STAB1: variants seen among roughly 807,000 people sequenced by gnomAD.
The protein encoded by STAB1 is stabilin-1.
A neutral mutation model predicts 332.4 loss-of-function variants in STAB1; 250 were observed. That is an observed-to-expected ratio of 0.75 (90% CI 0.68 to 0.84). The LOEUF is 0.84. STAB1 is among the 40% of genes least tolerant of loss of function. The probability of loss-of-function intolerance (pLI) is 0.00; values close to 1 mark genes in which losing one functional copy is unlikely to be tolerated. For synonymous variants in STAB1, 1,475 were observed against 1,390.4 expected (o/e 1.06, Z -1.35); for missense variants, 3,249 against 3,489.7 (o/e 0.93, Z 1.74).
intron 21 of STAB1, 142 bp downstream of exon 21, chr3:52,508,501 C>G (rs1225930088): frequency 2.6e-6 from 2 of 763,732 alleles, no homozygotes; most frequent in Admixed American, 4.0e-5. Flanking sequence ...AAAGTTGGAT[C>G]AAATTATTTC....
Position 52,521,885 on chromosome 3 carries a change from G to A in STAB1, c.6205G>A (p.Val2069Met). ...VCTPPCAPEA[V>M]CRAGNSCECS... ...TACCCCACCCTGTGCACCCGAGGCT[G>A]TGTGCCGTGCAGGCAACAGCTGTGA... The change falls in exon 58 of 69, where the codon GTG becomes ATG. Residue 2069 changes from valine (V) to methionine (M), a missense_variant. Val to Met is a conservative substitution (Grantham distance 21). Coordinates refer to ENST00000321725, the MANE Select transcript of STAB1 (RefSeq NM_015136.3). The A allele has an allele frequency of 6.2e-7, 1 of 1,607,370 alleles. No individual in the cohort carries two copies. The highest frequency in any genetic ancestry group is 8.5e-7 in the Non-Finnish European group (1 of 1,175,994).
intron 37 of STAB1, 31 bp from the exon 38 acceptor site, chr3:52,516,012 C>G (rs1166631236): frequency 1.3e-6 from 2 of 1,566,476 alleles, no homozygotes; most frequent in Non-Finnish European, 8.6e-7. Context: ...CTGGGCCTCT[C>G]TCGCCCTCTC....
chr3:52,507,237 A>G (rs11130306), intron 18 of STAB1, among the ~76,000 whole-genome samples: 87,903 of 152,002 alleles, frequency 0.58, 27,337 homozygotes, highest in African/African-American at 0.81. Flanking sequence ...TAGAGATGGG[A>G]TTTCACCATG....
intron 18 of STAB1, among the ~76,000 whole-genome samples, chr3:52,507,297 G>A (rs536625361): frequency 2.8e-4 from 42 of 152,262 alleles, no homozygotes; most frequent in South Asian, 1.2e-3. Flanking sequence ...CGCCCACCTC[G>A]GCCTCCCAAA....
At position 52,512,809 on chromosome 3, in the gene STAB1, G is replaced by A; in HGVS notation, c.3028-19G>A. The A allele has an allele frequency of 6.2e-7, 1 of 1,607,106 alleles. No homozygotes were observed. Among genetic ancestry groups the A allele is most frequent in the South Asian group, 1.1e-5 (1 of 90,972 alleles). On this transcript the variant is annotated intron_variant, in intron 28 of 68. Transcript: ENST00000321725. ...TGCCTTCCTCGCTCCTCCCGCCCCT[G>A]CTCCCTGTGTGCGTGCAGAGTGCCG... is the stretch of plus-strand genomic sequence containing the variant.
At chr3:52,503,253 C>T in intron 7 of STAB1, 91 bp from the exon 8 acceptor site, 1 of 1,517,854 alleles carries the variant, frequency 6.6e-7, no homozygotes, top group Middle Eastern at 1.9e-4. Flanking sequence ...CCTAGGTCAA[C>T]CTGCTGGCCC....
chr3:52,506,251 G>A lies in STAB1; in HGVS notation c.1830+1G>A, dbSNP rs1708853957. 1.2e-6 allele frequency: 2 copies of A among 1,610,794 alleles called. No individual in the cohort carries two copies. The highest frequency in any genetic ancestry group is 1.7e-5 in the Admixed American group (1 of 59,688). ...CCTGGCTGTGAACATTTCTGAGGAG[G>A]TGAGGTGCACGGACACCTGGGCGGA... On this transcript the variant is annotated splice_donor_variant, in intron 17 of 68. Transcript: ENST00000321725. LOFTEE classifies it high-confidence loss of function.
At chr3:52,505,990 C>A in intron 16 of STAB1, 54 bp downstream of exon 16, 1 of 1,606,044 alleles carries the variant, frequency 6.2e-7, no homozygotes, top group South Asian at 1.1e-5. Flanking sequence ...GGCCTGCCTG[C>A]AGGTTCTGGA....
At chr3:52,516,799 C>G in intron 41 of STAB1, 31 bp downstream of exon 41, 2 of 1,598,720 alleles carry the variant, frequency 1.3e-6, no homozygotes, top group Non-Finnish European at 1.7e-6. Flanking sequence ...AGGGCCCTCC[C>G]TGAAATTTTG....
rs1709004475 is a variant in STAB1, at chr3:52,508,006, T to C, written c.2128T>C (p.Tyr710His). Residue 710 changes from tyrosine (Y) to histidine (H), a missense_variant, in exon 20 of 69, where the codon TAC (tyrosine) becomes CAC (histidine). Tyr to His is a moderately conservative substitution (Grantham distance 83). Transcript: ENST00000321725. ...TGTGCTAAAGAAGGGCTGTGCCAGC[T>C]ACTGCAACCAAACCATCATGGTAAG... ...LNVLKKGCAS[Y>H]CNQTIMEQGC... is the part of the protein sequence containing the mutation. 6.2e-7 allele frequency: 1 copy of C among 1,613,516 alleles called. No homozygotes were observed. The highest frequency in any genetic ancestry group is 1.3e-5 in the African/African-American group (1 of 74,954).
chr3:52,518,889 T>TGCCCCGCTCCATCCCGCCCCGCCCC lies in STAB1; in HGVS notation c.5034+26_5034+50dup. ...AGGGAGGTGAGCCCTGGCCCTGGCCTGCCCCGCTCCATCCCGCCCCGCCCC... is the reference window on the plus strand; with the variant it reads ...AGGGAGGTGAGCCCTGGCCCTGGCCTGCCCCGCTCCATCCCGCCCCGCCCCGCCCCGCTCCATCCCGCCCCGCCCC... On this transcript the variant is annotated intron_variant, in intron 48 of 68. Transcript: ENST00000321725. 1 of 1,215,330 alleles carries TGCCCCGCTCCATCCCGCCCCGCCCC rather than the reference T, an allele frequency of 8.2e-7. No individual in the cohort carries two copies. The highest frequency in any genetic ancestry group is 1.1e-6 in the Non-Finnish European group (1 of 876,230). The allele number at this position is 1,215,330 out of a possible 1,614,324, so 75.3% of individuals were successfully genotyped here.
intron 50 of STAB1, 31 bp from the exon 51 acceptor site, chr3:52,519,913 C>A: frequency 3.9e-6 from 6 of 1,541,286 alleles, no homozygotes; most frequent in Non-Finnish European, 5.2e-6. Context: ...GACTGGGCAG[C>A]GACTGCCACA....
chr3:52,520,156 G>A (rs771495755), intron 51 of STAB1, 36 bp downstream of exon 51: 11 of 1,612,882 alleles, frequency 6.8e-6, no homozygotes, highest in Non-Finnish European at 9.3e-6. Context: ...TTCACTGCCT[G>A]CAGCTCAGCC....
chr3:52,522,261 G>C (rs371687832), intron 59 of STAB1, 31 bp downstream of exon 59: 11 of 1,611,436 alleles, frequency 6.8e-6, no homozygotes, highest in Non-Finnish European at 9.3e-6. Flanking sequence ...AGTAGCCAGG[G>C]TGGGGAGGCC....
In STAB1 at chr3:52,519,542, A is replaced by G. The variant is rs201647537; in HGVS notation, c.5213A>G (p.Lys1738Arg). The change falls in exon 50 of 69, where the codon AAG becomes AGG. Residue 1738 changes from lysine to arginine, a missense_variant. Physicochemically the swap from Lys to Arg is conservative, Grantham distance 26. Transcript: ENST00000321725. ...VTAAAQGFGY[K>R]IFSGLLKVAG... Reference sequence around the variant, plus strand: ...GCCGCCGCCCAGGGCTTCGGTTACAAGATCTTCAGCGGCCTCCTGAAGGTA... The same window carrying G: ...GCCGCCGCCCAGGGCTTCGGTTACAGGATCTTCAGCGGCCTCCTGAAGGTA... 187 of 1,613,340 alleles carry G rather than the reference A, an allele frequency of 1.2e-4. No individual in the cohort carries two copies. The Middle Eastern group carries it at 1.3e-3, about 11-fold the overall frequency.
intron 33 of STAB1, 54 bp downstream of exon 33, chr3:52,514,267 G>A: frequency 6.2e-7 from 1 of 1,604,106 alleles, no homozygotes; most frequent in Non-Finnish European, 8.5e-7. Context: ...TAGAGGGCGA[G>A]CCTCCAATCC....
At chr3:52,518,979 C>G in intron 48 of STAB1, 110 bp downstream of exon 48, 1 of 1,303,252 alleles carries the variant, frequency 7.7e-7, no homozygotes, top group Non-Finnish European at 1.0e-6. Flanking sequence ...CTCCCCTAGC[C>G]AGGGGGCGCC....
In STAB1 at chr3:52,505,904, T is replaced by C. The variant is rs1708821407; in HGVS notation, c.1717T>C (p.Leu573=). Residue 573 remains leucine, a synonymous_variant, in exon 16 of 69, where the codon TTG becomes CTG. Coordinates refer to ENST00000321725, the MANE Select transcript of STAB1 (RefSeq NM_015136.3). ...CCAGGGTCTCTCTAAACTGCAGGAG[T>C]TGGTGCGGTACCACATCTACAACCA... The part of the protein sequence containing the change: ...FTAGLSKLQE[L]VRYHIYNHGQ... 6.2e-7 allele frequency: 1 copy of C among 1,613,774 alleles called. No individual in the cohort carries two copies. Among genetic ancestry groups the C allele is most frequent in the Non-Finnish European group, 8.5e-7 (1 of 1,180,008 alleles).
At position 52,508,131 on chromosome 3, in the gene STAB1, C is replaced by T. The variant is rs914277366; in HGVS notation, c.2148+105C>T. The T allele has an allele frequency of 1.2e-4, 158 of 1,366,642 alleles. No individual in the cohort carries two copies. The Middle Eastern group carries it at 2.0e-3, about 18-fold the overall frequency. 84.7% of individuals were successfully genotyped at this position (1,366,642 alleles called of 1,614,324 possible). A position where few individuals can be genotyped will look rare whatever the true frequency, so the allele number is the denominator to read the frequency against. Reference sequence around the variant, plus strand: ...TGGGCTCCCTCCCTCAGAGGATGCACTGCAGCCTGACGGTGGAAAAGGGGT... The same window carrying T: ...TGGGCTCCCTCCCTCAGAGGATGCATTGCAGCCTGACGGTGGAAAAGGGGT... On this transcript the variant is annotated intron_variant, in intron 20 of 68. Coordinates refer to ENST00000321725, the MANE Select transcript of STAB1 (RefSeq NM_015136.3).
Sources: allele counts gnomAD v4.1 joint callset (sites outside exome capture counted in the v4.1 genomes callset), GRCh38; gene constraint gnomAD v4.1.1; transcripts MANE v1.5; gene names NCBI Gene and HGNC (gene_info 2026-07-23, HGNC 2026-07-21).